The following ZBTB41 variants were observed in gnomAD, a reference collection of about 807,000 sequenced individuals.
ZBTB41 encodes zinc finger and BTB domain containing 41, also known as zinc finger and BTB domain-containing protein 41.
In ZBTB41, 42 loss-of-function variants were observed where a neutral mutation model predicts 87.6. The ratio of observed to expected loss-of-function variants is 0.48; its 90% CI spans 0.37 to 0.62. The LOEUF (loss-of-function observed/expected upper bound fraction) is 0.62. Among genes scored for constraint, ZBTB41 ranks in the 20% least tolerant of loss-of-function variants. ZBTB41 has a pLI of 0.00. For synonymous variants in ZBTB41, 364 were observed against 364.0 expected (o/e 1.00, Z 0.00); for missense variants, 799 against 1,078.9 (o/e 0.74, Z 3.63).
intron 5 of ZBTB41, among the ~76,000 whole-genome samples, chr1:197,185,387 G>A (rs1659856651): frequency 1.3e-5 from 2 of 151,956 alleles, no homozygotes; most frequent in African/African-American, 4.8e-5. Context: ...CCACCATCTA[G>A]ACCACAACTC....
At chr1:197,194,018 ATCTT>A (rs956221037) in intron 2 of ZBTB41, among the ~76,000 whole-genome samples, 3 of 150,898 alleles carry the variant, frequency 2.0e-5, no homozygotes, top group Non-Finnish European at 4.4e-5. Flanking sequence ...AAATCTTCTC[ATCTT>A]TCTTTCTTTT....
At chr1:197,162,571 G>A (rs56111948) in intron 10 of ZBTB41, among the ~76,000 whole-genome samples, 45,828 of 152,056 alleles carry the variant, frequency 0.3, 8,710 homozygotes, top group Middle Eastern at 0.45. Flanking sequence ...TGTGCATTGG[G>A]AGACTTATTT....
At position 197,200,077 on chromosome 1, in the gene ZBTB41, G is replaced by T; in HGVS notation, c.397C>A (p.His133Asn). ...TCAAGCAAATGCTGAAAAACTGAAT[G>T]TGTTACGTGATCCAGGGTGACAACA... Reference protein sequence around the residue: ...TDVVTLDHVTHSVFQHLLEFL... With the variant: ...TDVVTLDHVTNSVFQHLLEFL... The change falls in exon 2 of 11, where the codon CAT becomes AAT. Residue 133 changes from histidine (H) to asparagine (N), a missense_variant. Physicochemically the swap from His to Asn is moderately conservative, Grantham distance 68. This residue lies in a region of ZBTB41 where 59 missense variants were observed against 120.1 expected (regional missense o/e 0.49). Coordinates refer to ENST00000367405, the MANE Select transcript of ZBTB41 (RefSeq NM_194314.3). 6.2e-7 allele frequency: 1 copy of T among 1,613,460 alleles called. No individual in the cohort carries two copies. The highest frequency in any genetic ancestry group is 8.5e-7 in the Non-Finnish European group (1 of 1,179,896).
chr1:197,171,483 G>A (rs1420577448), intron 10 of ZBTB41, among the ~76,000 whole-genome samples: 2 of 151,968 alleles, frequency 1.3e-5, no homozygotes, highest in Non-Finnish European at 2.9e-5. Context: ...ACATAAATGG[G>A]CTTGTTTCTT....
intron 5 of ZBTB41, among the ~76,000 whole-genome samples, chr1:197,186,736 C>T (rs752919861): frequency 1.3e-5 from 2 of 152,056 alleles, no homozygotes; most frequent in South Asian, 2.1e-4. Context: ...TGGTGGCAGG[C>T]GCCTGTAATC....
chr1:197,190,141 G>A (rs144691891), intron 4 of ZBTB41, among the ~76,000 whole-genome samples: 39 of 152,030 alleles, frequency 2.6e-4, no homozygotes, highest in African/African-American at 9.2e-4. Context: ...GATTGGTCTC[G>A]AACTCCTGAC....
chr1:197,178,383 T>A (rs753331459), intron 7 of ZBTB41, 34 bp downstream of exon 7: 1 of 1,395,180 alleles, frequency 7.2e-7, no homozygotes, highest in Admixed American at 2.0e-5. Flanking sequence ...TAATTCTATC[T>A]TACTTAATAA....
Position 197,155,415 on chromosome 1 carries a change from A to G in ZBTB41, c.*3944T>C, listed in dbSNP as rs1259183052. 6.6e-6 allele frequency: 1 copy of G among 152,292 alleles called. No individual in the cohort carries two copies. The highest frequency in any genetic ancestry group is 1.5e-5 in the Non-Finnish European group (1 of 67,798). The allele number at this position is 152,292 out of a possible 1,614,324, so 9.4% of individuals were successfully genotyped here. ...TTAATCAGTACAATCTAGCCAGCAG[A>G]ATCAACTCTAAGCAACTACAACACA... On this transcript the variant is annotated 3_prime_UTR_variant, in exon 11 of 11. Transcript: ENST00000367405.
intron 6 of ZBTB41, among the ~76,000 whole-genome samples, chr1:197,180,128 T>C (rs1209381069): frequency 1.3e-5 from 2 of 152,148 alleles, no homozygotes; most frequent in Non-Finnish European, 2.9e-5. Flanking sequence ...TTTTATATTT[T>C]ATACCATTTT....
chr1:197,161,836 CA>C (rs1372203779), intron 10 of ZBTB41, among the ~76,000 whole-genome samples: 1 of 151,768 alleles, frequency 6.6e-6, no homozygotes, highest in Non-Finnish European at 1.5e-5. Context: ...ATGCAATGAG[CA>C]TTCTATAATT....
intron 5 of ZBTB41, among the ~76,000 whole-genome samples, 184 bp downstream of exon 5, chr1:197,188,108 A>C (rs1311402110): frequency 6.6e-6 from 1 of 152,210 alleles, no homozygotes; most frequent in African/African-American, 2.4e-5. Flanking sequence ...GAGGCTGTGC[A>C]TATGTGGAGG....
chr1:197,183,958 T>C (rs1419176425), intron 5 of ZBTB41, among the ~76,000 whole-genome samples: 1 of 152,202 alleles, frequency 6.6e-6, no homozygotes, highest in Non-Finnish European at 1.5e-5. Context: ...ATAATTTCAC[T>C]GATGGGAAAG....
At chr1:197,199,223 A>G (rs1204664966) in intron 2 of ZBTB41, 131 bp downstream of exon 2, 2 of 879,632 alleles carry the variant, frequency 2.3e-6, no homozygotes, top group Admixed American at 3.7e-5. Context: ...CACTATTGAA[A>G]ACCAAGGTAT....
At chr1:197,163,498 T>C (rs1659246825) in intron 10 of ZBTB41, among the ~76,000 whole-genome samples, 1 of 151,946 alleles carries the variant, frequency 6.6e-6, no homozygotes, top group Admixed American at 6.6e-5. Context: ...CTAATGTACA[T>C]GTAATCAAAG....
chr1:197,198,428 T>G (rs924121875), intron 2 of ZBTB41, among the ~76,000 whole-genome samples: 2 of 152,168 alleles, frequency 1.3e-5, no homozygotes, highest in Admixed American at 6.5e-5. Context: ...GTTAACACTG[T>G]AAGACATATG....
In ZBTB41 at chr1:197,181,124, A is replaced by G; in HGVS notation, c.1547-7T>C. Reference sequence around the variant, plus strand: ...ATATCACATGGAAAAGGACCTAAAAAGGAAAAAAAAAAAGTGTGCATTTAA... The same window carrying G: ...ATATCACATGGAAAAGGACCTAAAAGGGAAAAAAAAAAAGTGTGCATTTAA... On this transcript the variant is annotated splice_region_variant and splice_polypyrimidine_tract_variant and intron_variant, in intron 5 of 10. Coordinates refer to ENST00000367405, the MANE Select transcript of ZBTB41 (RefSeq NM_194314.3). 6.4e-7 allele frequency: 1 copy of G among 1,567,998 alleles called. No homozygotes were observed. Among genetic ancestry groups the G allele is most frequent in the South Asian group, 1.2e-5 (1 of 84,052 alleles).
intron 10 of ZBTB41, among the ~76,000 whole-genome samples, chr1:197,161,908 C>T (rs560369994): frequency 6.6e-6 from 1 of 152,022 alleles, no homozygotes; most frequent in East Asian, 1.9e-4. Context: ...AGCACAGAGT[C>T]TACTTTTATA....
At chr1:197,168,173 A>G (rs1659395120) in intron 10 of ZBTB41, among the ~76,000 whole-genome samples, 1 of 152,208 alleles carries the variant, frequency 6.6e-6, no homozygotes, top group Non-Finnish European at 1.5e-5. Flanking sequence ...AAAAATATCA[A>G]ATACCTAGGC....
intron 2 of ZBTB41, among the ~76,000 whole-genome samples, chr1:197,194,059 T>C (rs1660099057): frequency 6.6e-6 from 1 of 151,960 alleles, no homozygotes; most frequent in Non-Finnish European, 1.5e-5. Flanking sequence ...TTTGCTCTTG[T>C]CCAGGCTGGA....
Sources: gnomAD v4.1 joint callset for allele counts (sites outside exome capture counted in the v4.1 genomes callset) on GRCh38, gnomAD v4.1.1 for gene constraint, gnomAD v4.1.1 regional missense constraint, MANE v1.5 for transcripts, NCBI Gene and HGNC (gene_info 2026-07-23, HGNC 2026-07-21) for gene names.